The following LGALS9C variants were observed in gnomAD, a reference collection of about 807,000 sequenced individuals.
LGALS9C encodes the protein galectin 9C.
A neutral mutation model predicts 41.3 loss-of-function variants in LGALS9C; 7 were observed. That is an observed-to-expected ratio of 0.17 (90% CI 0.10 to 0.32). LGALS9C has a LOEUF of 0.32. LGALS9C is among the 10% of genes least tolerant of loss of function. The pLI, the probability that LGALS9C is intolerant of heterozygous loss-of-function variation, is 1.00. For synonymous variants in LGALS9C, 44 were observed against 171.0 expected (o/e 0.26, Z 5.80); for missense variants, 102 against 455.2 (o/e 0.22, Z 7.06).
rs1406540003 is a variant in LGALS9C at position 18,488,939 on chromosome 17, A to C, written c.445-2A>C. On this transcript the variant is annotated splice_acceptor_variant, in intron 4 of 10. Transcript: ENST00000328114. LOFTEE classifies it high-confidence loss of function. ...ACCGGCCGGTGCCTTTTGTTTTAACAGAATCCCCGCGCAGTCCCCGTTCAG... is the reference window on the plus strand; with the variant it reads ...ACCGGCCGGTGCCTTTTGTTTTAACCGAATCCCCGCGCAGTCCCCGTTCAG... 2.7e-6 allele frequency: 4 copies of C among 1,505,002 alleles called. No homozygotes were observed. The highest frequency in any genetic ancestry group is 1.7e-5 in the Admixed American group (1 of 57,674). 93.2% of individuals were successfully genotyped at this position (1,505,002 alleles called of 1,614,324 possible). A position where few individuals can be genotyped will look rare whatever the true frequency, so the allele number is the denominator to read the frequency against.
intron 10 of LGALS9C, among the ~76,000 whole-genome samples, chr17:18,493,078 A>G (rs797001418): frequency 0.11 from 9,243 of 87,004 alleles, 143 homozygotes; most frequent in Middle Eastern, 0.25. Flanking sequence ...GAGGAAAGAA[A>G]CTCACAAGTG....
chr17:18,488,217 C>T (rs1421041596), intron 4 of LGALS9C, among the ~76,000 whole-genome samples: 1 of 127,418 alleles, frequency 7.8e-6, no homozygotes, highest in East Asian at 1.9e-4. Context: ...TTGTGTGATT[C>T]ATTGAGGAGA....
chr17:18,492,934 C>A lies in LGALS9C; in HGVS notation c.924+75C>A, dbSNP rs1413243802. 1.6e-5 allele frequency: 22 copies of A among 1,404,296 alleles called. 2 individuals are homozygous for A. The highest frequency in any genetic ancestry group is 9.6e-5 in the African/African-American group (7 of 73,210). The allele number at this position is 1,404,296 out of a possible 1,614,324, so 87.0% of individuals were successfully genotyped here. On this transcript the variant is annotated intron_variant, in intron 10 of 10. Coordinates refer to ENST00000328114, the MANE Select transcript of LGALS9C (RefSeq NM_001040078.3). Reference sequence around the variant, plus strand: ...GAGGGGGTAAAGGAGGTCTGGGGTACCTTGAACAGGATGGGAGCTGATGCC... The same window carrying A: ...GAGGGGGTAAAGGAGGTCTGGGGTAACTTGAACAGGATGGGAGCTGATGCC...
chr17:18,488,636 G>A (rs1457049167), intron 4 of LGALS9C, among the ~76,000 whole-genome samples: 1 of 121,788 alleles, frequency 8.2e-6, no homozygotes, highest in Non-Finnish European at 2.0e-5. Context: ...TGAGATGAGC[G>A]AAGTGCACAG....
intron 1 of LGALS9C, among the ~76,000 whole-genome samples, chr17:18,481,217 CT>C (rs1390576643): frequency 6.1e-5 from 7 of 114,862 alleles, no homozygotes; most frequent in African/African-American, 1.6e-4. Flanking sequence ...CCTCACAGAA[CT>C]TTTTTGGGGA....
At chr17:18,488,269 C>G (rs1598148693) in intron 4 of LGALS9C, among the ~76,000 whole-genome samples, 1 of 120,564 alleles carries the variant, frequency 8.3e-6, no homozygotes, top group East Asian at 2.0e-4. Context: ...GGGCCCACAC[C>G]AGGGTCTGTG....
In LGALS9C at chr17:18,493,330, A is replaced by G. The variant is rs1273631474; in HGVS notation, c.924+471A>G. On this transcript the variant is annotated intron_variant, in intron 10 of 10. Coordinates refer to ENST00000328114, the MANE Select transcript of LGALS9C (RefSeq NM_001040078.3). Reference sequence around the variant, plus strand: ...AAAGCATGAACAGATTGTTGCAGATAACAACAGTGCCACGCAGAAAGCAAA... The same window carrying G: ...AAAGCATGAACAGATTGTTGCAGATGACAACAGTGCCACGCAGAAAGCAAA... 5.1e-5 allele frequency among the ~76,000 whole-genome samples: 6 copies of G among 118,572 alleles called. 1 individual carries two copies. Among genetic ancestry groups the G allele is most frequent in the Non-Finnish European group, 1.2e-4 (6 of 50,324 alleles). The allele number at this position is 118,572 out of a possible 152,430, so 77.8% of individuals were successfully genotyped here. A position where few individuals can be genotyped will look rare whatever the true frequency, so the allele number is the denominator to read the frequency against.
chr17:18,486,553 AC>A (rs765283103), intron 3 of LGALS9C, among the ~76,000 whole-genome samples: 6 of 118,610 alleles, frequency 5.1e-5, no homozygotes, highest in Non-Finnish European at 1.0e-4. Flanking sequence ...ATTGCAAATT[AC>A]CTTTGCAAGC....
intron 8 of LGALS9C, 63 bp from the exon 9 acceptor site, chr17:18,492,394 T>C: frequency 6.6e-7 from 1 of 1,507,258 alleles, no homozygotes. Context: ...GGTACAATCT[T>C]CCCCTTCCAT....
rs1386489720 is a variant in LGALS9C, at chr17:18,493,376, G to A, written c.924+517G>A. 3.4e-5 allele frequency among the ~76,000 whole-genome samples: 4 copies of A among 118,332 alleles called. 1 individual carries two copies. Among genetic ancestry groups the A allele is most frequent in the Non-Finnish European group, 7.9e-5 (4 of 50,744 alleles). 77.6% of individuals were successfully genotyped at this position (118,332 alleles called of 152,430 possible). ...GCAAAACAGAGCGATGAGATAGAGCGAGCCTGGGAGGGGCAGCTAGGGCCA... is the reference window on the plus strand; with the variant it reads ...GCAAAACAGAGCGATGAGATAGAGCAAGCCTGGGAGGGGCAGCTAGGGCCA... On this transcript the variant is annotated intron_variant, in intron 10 of 10. Coordinates refer to ENST00000328114, the MANE Select transcript of LGALS9C (RefSeq NM_001040078.3).
intron 1 of LGALS9C, among the ~76,000 whole-genome samples, chr17:18,483,071 G>A (rs1989452466): frequency 8.0e-6 from 1 of 125,498 alleles, no homozygotes; most frequent in African/African-American, 2.6e-5. Flanking sequence ...GGCTTCCCAA[G>A]GCCACTCAGG....
intron 2 of LGALS9C, among the ~76,000 whole-genome samples, chr17:18,484,768 T>G (rs1240747935): frequency 6.6e-6 from 1 of 150,964 alleles, no homozygotes; most frequent in Non-Finnish European, 1.5e-5. Flanking sequence ...CAGCTCAACC[T>G]CAGCTCCGCC....
At chr17:18,490,625 TG>T in intron 5 of LGALS9C, 107 bp from the exon 6 acceptor site, 1 of 491,956 alleles carries the variant, frequency 2.0e-6, no homozygotes, top group Non-Finnish European at 3.8e-6. Context: ...TGGGTGTGTC[TG>T]GGGAGGCATT....
chr17:18,484,669 G>C (rs1989526232), intron 2 of LGALS9C, among the ~76,000 whole-genome samples: 1 of 150,246 alleles, frequency 6.7e-6, no homozygotes, highest in Non-Finnish European at 1.5e-5. Flanking sequence ...GCCCACAGAA[G>C]AGCCTCTGGA....
At chr17:18,477,552 A>T (rs1989252362) in intron 1 of LGALS9C, among the ~76,000 whole-genome samples, 2 of 114,214 alleles carry the variant, frequency 1.8e-5, no homozygotes, top group African/African-American at 5.3e-5. Flanking sequence ...GCATCTGTAG[A>T]CGGACAGTCT....
rs1327113407 is a variant in LGALS9C at position 18,492,956 on chromosome 17, T to G, written c.924+97T>G. 1.3e-5 allele frequency: 18 copies of G among 1,383,448 alleles called. 1 individual carries two copies. Among genetic ancestry groups the G allele is most frequent in the Admixed American group, 4.5e-5 (2 of 44,632 alleles). The allele number at this position is 1,383,448 out of a possible 1,614,324, so 85.7% of individuals were successfully genotyped here. A position where few individuals can be genotyped will look rare whatever the true frequency, so the allele number is the denominator to read the frequency against. ...GTACCTTGAACAGGATGGGAGCTGA[T>G]GCCTCTGGGATGAGGGCCCAGAAGA... On this transcript the variant is annotated intron_variant, in intron 10 of 10. Transcript: ENST00000328114.
rs1188328308 is a variant in LGALS9C at position 18,477,568 on chromosome 17, G to T, written c.39+675G>T. 1.5e-3 allele frequency among the ~76,000 whole-genome samples: 165 copies of T among 112,544 alleles called. No homozygotes were observed. The East Asian group carries it at 0.032, about 22-fold the overall frequency. The allele number at this position is 112,544 out of a possible 152,430, so 73.8% of individuals were successfully genotyped here. On this transcript the variant is annotated intron_variant, in intron 1 of 10. Transcript: ENST00000328114. The stretch of plus-strand genomic sequence containing the variant: ...CATCTGTAGACGGACAGTCTCAGAG[G>T]TGACGGAGGCAGGGACTGTCCCTGC...
chr17:18,493,499 T>A (rs1415091145), intron 10 of LGALS9C, among the ~76,000 whole-genome samples: 2 of 120,782 alleles, frequency 1.7e-5, no homozygotes, highest in East Asian at 4.0e-4. Flanking sequence ...ACAAAGAACA[T>A]ATAGGTGCTG....
chr17:18,485,643 TAATCACTTTCCAGGAC>T (rs1989562417), intron 2 of LGALS9C: 1 of 227,366 alleles, frequency 4.4e-6, no homozygotes, highest in African/African-American at 2.9e-5. Flanking sequence ...TACCAACTGG[TAATCACTTTCCAGGAC>T]CTATGCTTCT....
Sources: allele counts gnomAD v4.1 joint callset (sites outside exome capture counted in the v4.1 genomes callset), GRCh38; gene constraint gnomAD v4.1.1; transcripts MANE v1.5; gene names NCBI Gene and HGNC (gene_info 2026-07-23, HGNC 2026-07-21).